The following TRABD2A variants were observed in gnomAD, a reference collection of about 807,000 sequenced individuals.
TRABD2A encodes the protein TraB domain containing 2A.
Under a neutral mutation model 45.6 loss-of-function variants are expected in TRABD2A, and 43 were observed. The observed-to-expected ratio is 0.94, with a 90% confidence interval of 0.74 to 1.22. TRABD2A has a LOEUF of 1.22. Ranked by LOEUF, TRABD2A falls within the 50% of genes most tolerant of loss-of-function variation. TRABD2A has a pLI of 0.00. For missense variants in TRABD2A, 642 were observed against 652.4 expected (o/e 0.98, Z 0.17); for synonymous variants, 269 against 265.0 (o/e 1.02, Z -0.15).
At chr2:84,832,226 A>C in intron 4 of TRABD2A, 81 bp from the exon 5 acceptor site, 3 of 1,441,014 alleles carry the variant, frequency 2.1e-6, no homozygotes, top group Non-Finnish European at 2.9e-6. Context: ...CCTAGAACCA[A>C]GAAATTACCC....
chr2:84,879,989 C>A (rs142051210), intron 1 of TRABD2A, among the ~76,000 whole-genome samples: 1 of 141,156 alleles, frequency 7.1e-6, no homozygotes. Flanking sequence ...CCTCAACCCA[C>A]CCCCAACCCC....
rs1681071474 is a variant in TRABD2A at position 84,824,002 on chromosome 2, TCCGCTGTGA to T, written c.1276_1284del (p.Ser426_Arg428del). ...TCGCTGAATTGCCGGAGTCGCGGCC[TCCGCTGTGA>T]CCGCCTCCGCTTCTTCCGGAACCTC... is the stretch of plus-strand genomic sequence containing the variant. On this transcript the variant is annotated inframe_deletion, in exon 6 of 7. Transcript: ENST00000409520. 1.2e-6 allele frequency: 2 copies of T among 1,613,840 alleles called. No individual in the cohort carries two copies. Among genetic ancestry groups the T allele is most frequent in the Middle Eastern group, 1.7e-4 (1 of 6,056 alleles).
chr2:84,832,340 C>T, intron 4 of TRABD2A, 195 bp from the exon 5 acceptor site: 1 of 587,380 alleles, frequency 1.7e-6, no homozygotes, highest in Non-Finnish European at 3.0e-6. Context: ...GCATCAGTAG[C>T]ATTTCAGAGA....
In TRABD2A at chr2:84,852,527, G is replaced by A. The variant is rs149864790; in HGVS notation, c.670-10520C>T. On this transcript the variant is annotated intron_variant, in intron 2 of 6. Coordinates refer to ENST00000409520, the MANE Select transcript of TRABD2A (RefSeq NM_001277053.2). ...GGAGGGGTGGCCAGAATGACCATGA[G>A]GTGGCAGGAGTTGCTAGCTTGGCTA... Among the ~76,000 whole-genome samples the A allele has an allele frequency of 3.2e-3, 487 of 152,308 alleles. 1 individual carries two copies. Among genetic ancestry groups the A allele is most frequent in the African/African-American group, 0.011 (447 of 41,552 alleles).
At chr2:84,846,117 G>T (rs567104435) in intron 2 of TRABD2A, among the ~76,000 whole-genome samples, 2 of 152,292 alleles carry the variant, frequency 1.3e-5, no homozygotes, top group Admixed American at 6.5e-5. Context: ...AGGTCACCTT[G>T]TGTCACTGAG....
chr2:84,846,854 G>A (rs751404147), intron 2 of TRABD2A, among the ~76,000 whole-genome samples: 1 of 152,252 alleles, frequency 6.6e-6, no homozygotes, highest in Non-Finnish European at 1.5e-5. Flanking sequence ...CTTGGAGCCA[G>A]AATACTCCCC....
At chr2:84,847,410 C>T (rs561560093) in intron 2 of TRABD2A, among the ~76,000 whole-genome samples, 21 of 152,266 alleles carry the variant, frequency 1.4e-4, no homozygotes, top group Non-Finnish European at 2.5e-4. Context: ...TCAGAAACTC[C>T]CACCAGTTAA....
At chr2:84,848,067 C>A (rs1681958350) in intron 2 of TRABD2A, among the ~76,000 whole-genome samples, 1 of 152,166 alleles carries the variant, frequency 6.6e-6, no homozygotes, top group Non-Finnish European at 1.5e-5. Context: ...TCCTCACCTG[C>A]AAAGACCCTG....
intron 5 of TRABD2A, among the ~76,000 whole-genome samples, chr2:84,826,875 T>C (rs1410193556): frequency 1.3e-5 from 2 of 152,218 alleles, no homozygotes; most frequent in African/African-American, 4.8e-5. Context: ...TGAGATTTTT[T>C]TCAGGTCATA....
chr2:84,852,695 A>C (rs1057070760), intron 2 of TRABD2A, among the ~76,000 whole-genome samples: 2 of 152,210 alleles, frequency 1.3e-5, no homozygotes, highest in African/African-American at 4.8e-5. Context: ...ACAACTGCAA[A>C]GATGACCCAT....
Position 84,846,808 on chromosome 2 carries a change from T to C in TRABD2A, c.670-4801A>G, listed in dbSNP as rs1379995367. Among the ~76,000 whole-genome samples, 3 of 152,204 alleles carry C rather than the reference T, an allele frequency of 2.0e-5. No individual in the cohort carries two copies. In the East Asian group the frequency reaches 5.8e-4, roughly 29 times the overall value. The stretch of plus-strand genomic sequence containing the variant: ...CCAAGACGGATTCCTGAAGAAACAG[T>C]CTCTGAGTGGGATCAAAGTGTCCTT... On this transcript the variant is annotated intron_variant, in intron 2 of 6. Coordinates refer to ENST00000409520, the MANE Select transcript of TRABD2A (RefSeq NM_001277053.2).
chr2:84,847,127 C>A (rs993827059), intron 2 of TRABD2A, among the ~76,000 whole-genome samples: 26 of 152,210 alleles, frequency 1.7e-4, no homozygotes, highest in African/African-American at 6.3e-4. Flanking sequence ...CAGTGAGGAG[C>A]CAAGTCCAGG....
intron 2 of TRABD2A, among the ~76,000 whole-genome samples, chr2:84,846,406 A>C (rs773647720): frequency 1.3e-5 from 2 of 152,224 alleles, no homozygotes; most frequent in Non-Finnish European, 2.9e-5. Flanking sequence ...CACAGATTAA[A>C]ACCCAGCACA....
intron 4 of TRABD2A, among the ~76,000 whole-genome samples, chr2:84,835,735 T>C (rs1306170375): frequency 6.6e-6 from 1 of 152,066 alleles, no homozygotes; most frequent in African/African-American, 2.4e-5. Flanking sequence ...TCTTCCTGAG[T>C]CTTTACATGG....
In TRABD2A at chr2:84,823,727, C is replaced by A. The variant is rs189855648; in HGVS notation, c.1334+226G>T. 9.6e-4 allele frequency among the ~76,000 whole-genome samples: 146 copies of A among 152,302 alleles called. 1 individual carries two copies. The highest frequency in any genetic ancestry group is 3.4e-3 in the African/African-American group (141 of 41,552). On this transcript the variant is annotated intron_variant, in intron 6 of 6. Transcript: ENST00000409520. ...GACTCATCCTACCCCGAAACTTGTTCTTTAACAAGCATAAACATGTTGCCC... is the reference window on the plus strand; with the variant it reads ...GACTCATCCTACCCCGAAACTTGTTATTTAACAAGCATAAACATGTTGCCC...
chr2:84,842,841 A>G (rs1021032656), intron 2 of TRABD2A, among the ~76,000 whole-genome samples: 8 of 152,124 alleles, frequency 5.3e-5, no homozygotes, highest in African/African-American at 1.9e-4. Context: ...GGAACAGAGT[A>G]TGCCAGGTTT....
In TRABD2A at chr2:84,866,438, C is replaced by T. The variant is rs552966113; in HGVS notation, c.669+3787G>A. 2.0e-5 allele frequency among the ~76,000 whole-genome samples: 3 copies of T among 152,292 alleles called. No homozygotes were observed. In the South Asian group the frequency reaches 6.2e-4, roughly 32 times the overall value. On this transcript the variant is annotated intron_variant, in intron 2 of 6. Transcript: ENST00000409520. ...AGCCCATATGCCTCTTATTTGCAACCTCTGCTAGCCCTTCTGTTTTATGCT... is the reference window on the plus strand; with the variant it reads ...AGCCCATATGCCTCTTATTTGCAACTTCTGCTAGCCCTTCTGTTTTATGCT...
rs542179771 is a variant in TRABD2A, at chr2:84,831,289, G to C, written c.1082+766C>G. Among the ~76,000 whole-genome samples, 5 of 152,278 alleles carry C rather than the reference G, an allele frequency of 3.3e-5. No individual in the cohort carries two copies. In the South Asian group the frequency reaches 1.0e-3, roughly 32 times the overall value. On this transcript the variant is annotated intron_variant, in intron 5 of 6. Coordinates refer to ENST00000409520, the MANE Select transcript of TRABD2A (RefSeq NM_001277053.2). ...GAGAAACCAGTCCCGTTGACACCTT[G>C]ATCTGGGACTTTCAGCCTCCAGAAC...
Position 84,839,250 on chromosome 2 carries a change from CG to C in TRABD2A, c.889del (p.Arg297AlafsTer4), listed in dbSNP as rs767503434. ...ITAQEIDSYL[R>X]RELIYKRNER... ...ATTCCGCTTGTAGATCAGCTCCCGG[CG>C]TAAGTAGCTGTCAATCTCCTGAGCA... On this transcript the variant is annotated frameshift_variant, in exon 4 of 7. Transcript: ENST00000409520. LOFTEE classifies it high-confidence loss of function. 16 of 1,613,614 alleles carry C rather than the reference CG, an allele frequency of 9.9e-6. No homozygotes were observed. Among genetic ancestry groups the C allele is most frequent in the Admixed American group, 1.7e-5 (1 of 59,960 alleles).
Sources: gnomAD v4.1 joint callset for allele counts (sites outside exome capture counted in the v4.1 genomes callset) on GRCh38, gnomAD v4.1.1 for gene constraint, MANE v1.5 for transcripts, NCBI Gene and HGNC (gene_info 2026-07-23, HGNC 2026-07-21) for gene names.